The following ACTR3C variants were observed in gnomAD, a reference collection of about 807,000 sequenced individuals.
ACTR3C encodes the protein actin related protein 3C.
ACTR3C carries 18 observed loss-of-function variants against 26.3 expected under a neutral mutation model. The observed-to-expected ratio is 0.68, with a 90% CI of 0.47 to 1.01. ACTR3C has a LOEUF of 1.01. Ranked by LOEUF, ACTR3C falls within the 50% of genes least tolerant of loss-of-function variation. The pLI, the probability that ACTR3C is intolerant of heterozygous loss-of-function variation, is 0.00. For missense variants in ACTR3C, 184 were observed against 250.7 expected, an observed-to-expected ratio of 0.73 and a Z score of 1.80; for synonymous variants, 55 against 94.5, an observed-to-expected ratio of 0.58 and a Z score of 2.42.
At chr7:150,175,705 A>G in the ACTR3C span, among the ~76,000 whole-genome samples, 21,914 of 146,134 alleles carry the variant, frequency 0.15, 3,365 homozygotes, top group African/African-American at 0.37. Context: ...CTAGCTATAC[A>G]GGAGGCTGAG....
the ACTR3C span, among the ~76,000 whole-genome samples, chr7:150,110,749 G>T: frequency 6.8e-6 from 1 of 147,042 alleles, no homozygotes; most frequent in Non-Finnish European, 1.5e-5. Context: ...GAGCCAGCAG[G>T]GGGCGGGGCT....
At chr7:150,021,112 C>T in the ACTR3C span, among the ~76,000 whole-genome samples, 2 of 151,630 alleles carry the variant, frequency 1.3e-5, no homozygotes, top group African/African-American at 4.9e-5. Flanking sequence ...TGAGGCACTG[C>T]ACCCAGCCTT....
chr7:150,064,552 T>G, the ACTR3C span, among the ~76,000 whole-genome samples: 1 of 118,234 alleles, frequency 8.5e-6, no homozygotes, highest in Non-Finnish European at 1.8e-5. Context: ...GGTAACAGAG[T>G]GAGACTTGAT....
the ACTR3C span, among the ~76,000 whole-genome samples, chr7:150,225,064 C>T: frequency 0.012 from 1,737 of 150,258 alleles, 43 homozygotes; most frequent in African/African-American, 0.04. Flanking sequence ...CACGAGCATG[C>T]GATTGGAATA....
the ACTR3C span, among the ~76,000 whole-genome samples, chr7:149,976,675 A>AC: frequency 6.6e-6 from 1 of 151,956 alleles, no homozygotes; most frequent in Non-Finnish European, 1.5e-5. Flanking sequence ...AGTAAAAAAA[A>AC]ATTATAAAGT....
the ACTR3C span, among the ~76,000 whole-genome samples, chr7:150,213,518 G>C: frequency 1.3e-5 from 2 of 152,022 alleles, no homozygotes; most frequent in African/African-American, 4.8e-5. Flanking sequence ...AAGGGAATCA[G>C]TGCTAAAATC....
At chr7:150,098,383 A>C in the ACTR3C span, among the ~76,000 whole-genome samples, 1 of 151,770 alleles carries the variant, frequency 6.6e-6, no homozygotes, top group Non-Finnish European at 1.5e-5. Flanking sequence ...GCTACTTACT[A>C]CACTTCAGAG....
intron 6 of ACTR3C, among the ~76,000 whole-genome samples, chr7:150,281,649 T>C (rs1441602803): frequency 1.3e-5 from 2 of 151,934 alleles, no homozygotes; most frequent in Non-Finnish European, 2.9e-5. Context: ...ACTGACTTGC[T>C]GAGGAACTAG....
At chr7:150,032,532 A>C in the ACTR3C span, among the ~76,000 whole-genome samples, 1 of 151,942 alleles carries the variant, frequency 6.6e-6, no homozygotes, top group African/African-American at 2.4e-5. Context: ...CCTGGGAGAG[A>C]GCATGCCTCT....
At chr7:150,128,438 A>G in the ACTR3C span, among the ~76,000 whole-genome samples, 7 of 152,190 alleles carry the variant, frequency 4.6e-5, no homozygotes, top group East Asian at 1.4e-3. Context: ...TTTCCCAAGC[A>G]TAGCTTTCAC....
the ACTR3C span, among the ~76,000 whole-genome samples, chr7:150,019,593 AAATAAAAATAATAATAATAAT>A: frequency 7.9e-4 from 98 of 124,492 alleles, 1 homozygote; most frequent in Non-Finnish European, 1.3e-3. Context: ...TCTGTCTCAA[AAATAAAAATAATAATAATAAT>A]AATAATAATA....
the ACTR3C span, among the ~76,000 whole-genome samples, chr7:150,166,465 G>A: frequency 1.3e-5 from 2 of 150,912 alleles, no homozygotes; most frequent in South Asian, 2.1e-4. Flanking sequence ...TTGGGAGGCC[G>A]AGGAGGGTAG....
At chr7:150,032,284 A>G in the ACTR3C span, among the ~76,000 whole-genome samples, 1 of 152,204 alleles carries the variant, frequency 6.6e-6, no homozygotes, top group African/African-American at 2.4e-5. Flanking sequence ...GGGACCTGAA[A>G]GGAGGGGTGC....
At chr7:150,193,974 AT>A in the ACTR3C span, among the ~76,000 whole-genome samples, 2 of 144,814 alleles carry the variant, frequency 1.4e-5, no homozygotes, top group African/African-American at 5.4e-5. Context: ...TATATATAAA[AT>A]ACACATACAC....
chr7:149,929,712 G>C, the ACTR3C span, among the ~76,000 whole-genome samples: 1 of 151,920 alleles, frequency 6.6e-6, no homozygotes, highest in African/African-American at 2.4e-5. Flanking sequence ...TGTATTTTTA[G>C]TAGAGACGGG....
the ACTR3C span, among the ~76,000 whole-genome samples, chr7:150,186,396 A>T: frequency 6.6e-6 from 1 of 152,176 alleles, no homozygotes; most frequent in Non-Finnish European, 1.5e-5. Flanking sequence ...TTACAAGGAG[A>T]CACCAGGTTG....
intron 6 of ACTR3C, among the ~76,000 whole-genome samples, chr7:150,257,001 C>A (rs1206566132): frequency 3.3e-5 from 5 of 152,074 alleles, no homozygotes; most frequent in Non-Finnish European, 2.9e-5. Context: ...AAATAACTAA[C>A]AAAAATGATA....
chr7:150,226,332 C>T, the ACTR3C span, among the ~76,000 whole-genome samples: 36 of 152,220 alleles, frequency 2.4e-4, no homozygotes, highest in African/African-American at 6.3e-4. Context: ...AGTGATTGCT[C>T]CTATTGCTCT....
chr7:150,153,835 A>G, the ACTR3C span, among the ~76,000 whole-genome samples: 1 of 112,442 alleles, frequency 8.9e-6, no homozygotes, highest in African/African-American at 3.9e-5. Context: ...AATGTCCAAC[A>G]ATGATAGACT....
Sources: allele counts gnomAD v4.1 joint callset (sites outside exome capture counted in the v4.1 genomes callset), GRCh38; gene constraint gnomAD v4.1.1; transcripts MANE v1.5; gene names NCBI Gene and HGNC (gene_info 2026-07-23, HGNC 2026-07-21).